The following URGCP variants were observed in gnomAD, a reference collection of about 807,000 sequenced individuals.
URGCP encodes upregulator of cell proliferation, also known as up-regulator of cell proliferation.
A neutral mutation model predicts 24.6 loss-of-function variants in URGCP; 13 were observed. That is an observed-to-expected ratio of 0.53 (90% confidence interval 0.34 to 0.84). The LOEUF is 0.84. URGCP is among the 40% of genes least tolerant of loss of function. URGCP has a pLI of 0.01. For missense variants in URGCP, 899 were observed against 1,194.3 expected (o/e 0.75, Z 3.64); for synonymous variants, 444 against 487.2 (o/e 0.91, Z 1.17).
At chr7:43,883,124 G>A (rs575477918) in intron 3 of URGCP, among the ~76,000 whole-genome samples, 3 of 151,922 alleles carry the variant, frequency 2.0e-5, no homozygotes, top group Non-Finnish European at 4.4e-5. Flanking sequence ...ATTACAAAAT[G>A]TGTTTAATGT....
chr7:43,883,364 T>TATATATATATA, intron 3 of URGCP, among the ~76,000 whole-genome samples: 1 of 91,498 alleles, frequency 1.1e-5, no homozygotes, highest in East Asian at 2.6e-4. Context: ...ATATATATAT[T>TATATATATATA]TTTTTTTTTT....
chr7:43,876,608 C>A lies in URGCP; in HGVS notation c.*59G>T. On this transcript the variant is annotated 3_prime_UTR_variant, in exon 6 of 6. Coordinates refer to ENST00000453200, the MANE Select transcript of URGCP (RefSeq NM_001077663.3). The stretch of plus-strand genomic sequence containing the variant: ...CAGAGCACAGCCCCACACGGGTGCC[C>A]CATCAGACAGGGCTGCCCACAGCAG... 6.4e-7 allele frequency: 1 copy of A among 1,558,254 alleles called. No homozygotes were observed. The highest frequency in any genetic ancestry group is 1.2e-5 in the South Asian group (1 of 82,414).
chr7:43,900,356 G>A (rs190047532), intron 1 of URGCP, among the ~76,000 whole-genome samples: 2,454 of 150,954 alleles, frequency 0.016, 57 homozygotes, highest in African/African-American at 0.056. Context: ...TCAGGAGGCT[G>A]AGGCAGGAGA....
intron 1 of URGCP, chr7:43,926,060 A>G (rs1335146639): frequency 6.6e-6 from 1 of 152,280 alleles, no homozygotes; most frequent in Non-Finnish European, 1.5e-5. Flanking sequence ...GTGTGAACGT[A>G]TGCACAGACA....
At chr7:43,919,895 G>T (rs2095920192) in intron 1 of URGCP, 2 of 1,306,230 alleles carry the variant, frequency 1.5e-6, no homozygotes, top group East Asian at 4.6e-5. Flanking sequence ...ACAAGCTGCG[G>T]AAGTGGGAGG....
Position 43,876,476 on chromosome 7 carries a change from A to G in URGCP, c.*191T>C. 3.2e-6 allele frequency: 2 copies of G among 626,772 alleles called. No homozygotes were observed. Among genetic ancestry groups the G allele is most frequent in the Non-Finnish European group, 5.5e-6 (2 of 360,860 alleles). 38.8% of individuals were successfully genotyped at this position (626,772 alleles called of 1,614,324 possible). On this transcript the variant is annotated 3_prime_UTR_variant, in exon 6 of 6. Transcript: ENST00000453200. ...TGTGATATTCTTGGTAACATCTCTG[A>G]GCTGGTCTGTGAGGTCACTTCCTCT... is the stretch of plus-strand genomic sequence containing the variant.
upstream of URGCP, among the ~76,000 whole-genome samples, chr7:43,911,107 A>G (rs370070794): frequency 5.9e-5 from 9 of 152,186 alleles, no homozygotes; most frequent in African/African-American, 2.2e-4. Context: ...AGCACTATAA[A>G]TAAACTGGAC....
At chr7:43,885,397 G>C (rs1310242163) in intron 3 of URGCP, among the ~76,000 whole-genome samples, 1 of 152,044 alleles carries the variant, frequency 6.6e-6, no homozygotes, top group East Asian at 1.9e-4. Context: ...CACTGCACCT[G>C]GCCTGTATAG....
At chr7:43,887,594 C>G in intron 2 of URGCP, 109 bp from the exon 3 acceptor site, 3 of 1,503,708 alleles carry the variant, frequency 2.0e-6, no homozygotes, top group Non-Finnish European at 2.7e-6. Context: ...AACTATAAAC[C>G]CTGGGTCACA....
In URGCP at chr7:43,877,788, A is replaced by G. The variant is rs200772796; in HGVS notation, c.1675T>C (p.Ser559Pro). 1.6e-4 allele frequency: 250 copies of G among 1,602,910 alleles called. No homozygotes were observed. The Admixed American group carries it at 4.0e-3, about 25-fold the overall frequency. Reference sequence around the variant, plus strand: ...AGGAAGTACTGCTTCTCACTCAAGGAGGGGCTGCTGATCCCCGAGATGAAC... The same window carrying G: ...AGGAAGTACTGCTTCTCACTCAAGGGGGGGCTGCTGATCCCCGAGATGAAC... ...QEFISGISSP[S>P]LSEKQYFLRW... Residue 559 changes from serine to proline, a missense_variant, in exon 6 of 6, where the codon TCC (serine) becomes CCC (proline). Coordinates refer to ENST00000453200, the MANE Select transcript of URGCP (RefSeq NM_001077663.3).
chr7:43,917,789 A>G (rs537055232), intron 1 of URGCP, among the ~76,000 whole-genome samples: 1 of 152,220 alleles, frequency 6.6e-6, no homozygotes, highest in East Asian at 1.9e-4. Flanking sequence ...CCAGCAACAT[A>G]GTGAGACCCT....
intron 1 of URGCP, among the ~76,000 whole-genome samples, chr7:43,897,385 G>C (rs2095880550): frequency 6.6e-6 from 1 of 152,126 alleles, no homozygotes; most frequent in South Asian, 2.1e-4. Context: ...GTGAAGGCAG[G>C]AGCTATATGA....
chr7:43,906,507 G>A (rs1274944110), intron 1 of URGCP, 55 bp downstream of exon 1: 8 of 1,179,478 alleles, frequency 6.8e-6, no homozygotes, highest in South Asian at 3.1e-5. Context: ...TCCGGGTCCC[G>A]CTCCCGTTCC....
At chr7:43,885,616 T>C (rs1312723664) in intron 3 of URGCP, among the ~76,000 whole-genome samples, 1 of 152,154 alleles carries the variant, frequency 6.6e-6, no homozygotes, top group Non-Finnish European at 1.5e-5. Flanking sequence ...TTTCCTCAAA[T>C]GAAACAGGGA....
intron 1 of URGCP, among the ~76,000 whole-genome samples, chr7:43,898,123 T>C (rs2095882088): frequency 6.6e-6 from 1 of 152,128 alleles, no homozygotes; most frequent in African/African-American, 2.4e-5. Flanking sequence ...TCCCTAAAGA[T>C]ACATGCTCTA....
At chr7:43,905,276 G>GC (rs11402724) in intron 1 of URGCP, among the ~76,000 whole-genome samples, 151,829 of 151,834 alleles carry the variant, frequency 1, 75,912 homozygotes, top group Middle Eastern at 1. Context: ...AGGAGGCTCT[G>GC]CCCACCCTTT....
chr7:43,925,201 T>C (rs906785425), intron 1 of URGCP, among the ~76,000 whole-genome samples: 2 of 152,110 alleles, frequency 1.3e-5, no homozygotes, highest in Non-Finnish European at 2.9e-5. Flanking sequence ...GGAGGACAGA[T>C]TGGGGGAATG....
intron 1 of URGCP, among the ~76,000 whole-genome samples, chr7:43,897,974 G>A (rs150405858): frequency 1.7e-3 from 259 of 152,268 alleles, no homozygotes; most frequent in Non-Finnish European, 3.1e-3. Flanking sequence ...TGAGGGAATC[G>A]TGAGCAAATT....
intron 3 of URGCP, 34 bp from the exon 4 acceptor site, chr7:43,881,991 T>G: frequency 6.2e-7 from 1 of 1,613,750 alleles, no homozygotes; most frequent in Non-Finnish European, 8.5e-7. Context: ...ACATTTAGTT[T>G]CATCAGCAAG....
Sources: gnomAD v4.1 joint callset for allele counts (sites outside exome capture counted in the v4.1 genomes callset) on GRCh38, gnomAD v4.1.1 for gene constraint, MANE v1.5 for transcripts, NCBI Gene and HGNC (gene_info 2026-07-23, HGNC 2026-07-21) for gene names.